The following SYT1 variants were observed in gnomAD, a reference collection of about 807,000 sequenced individuals.
SYT1 encodes synaptotagmin-1.
In SYT1, 8 loss-of-function variants were observed where a neutral mutation model predicts 44.8. The ratio of observed to expected loss-of-function variants is 0.18; its 90% CI spans 0.10 to 0.32. The LOEUF is 0.32. SYT1 is among the 10% of genes least tolerant of loss of function. The pLI, the probability that SYT1 is intolerant of heterozygous loss-of-function variation, is 1.00. For missense variants in SYT1, 286 were observed against 509.3 expected, an observed-to-expected ratio of 0.56 and a Z score of 4.22; for synonymous variants, 154 against 188.8, an observed-to-expected ratio of 0.82 and a Z score of 1.51.
chr12:79,184,894 A>G, intron 3 of SYT1, among the ~76,000 whole-genome samples: 1 of 152,048 alleles, frequency 6.6e-6, no homozygotes, highest in South Asian at 2.1e-4. Context: ...GAAAGGGAAT[A>G]TTTCTCTTTA....
intron 8 of SYT1, among the ~76,000 whole-genome samples, chr12:79,349,060 G>GAAAGAAAGAAAGAAAAAGAAAGAAAGAAA (rs1565920027): frequency 7.8e-6 from 1 of 128,746 alleles, no homozygotes; most frequent in African/African-American, 3.2e-5. Context: ...AAAGAAAGGA[G>GAAAGAAAGAAAGAAAAAGAAAGAAAGAAA]GGAGGGAGGG....
intron 9 of SYT1, among the ~76,000 whole-genome samples, chr12:79,385,040 G>T (rs986245939): frequency 3.5e-5 from 5 of 143,706 alleles, no homozygotes; most frequent in African/African-American, 1.3e-4. Flanking sequence ...AGGCTGGAGT[G>T]CAATGGCATG....
rs369328886 is a variant in SYT1 at position 79,353,460 on chromosome 12, G to A, written c.811-42G>A. Reference sequence around the variant, plus strand: ...ATATATGTTAAAACTCTATTTACTTGTATTTGAAAAATTGCTAATACTTTC... The same window carrying A: ...ATATATGTTAAAACTCTATTTACTTATATTTGAAAAATTGCTAATACTTTC... On this transcript the variant is annotated intron_variant, in intron 8 of 10. Transcript: ENST00000261205. 6.1e-5 allele frequency: 84 copies of A among 1,381,474 alleles called. 1 individual carries two copies. In the South Asian group the frequency reaches 8.9e-4, roughly 15 times the overall value. 85.6% of individuals were successfully genotyped at this position (1,381,474 alleles called of 1,614,324 possible). A position where few individuals can be genotyped will look rare whatever the true frequency, so the allele number is the denominator to read the frequency against.
At chr12:79,151,488 A>G (rs1041274938) in intron 3 of SYT1, among the ~76,000 whole-genome samples, 1 of 152,212 alleles carries the variant, frequency 6.6e-6, no homozygotes, top group African/African-American at 2.4e-5. Flanking sequence ...AAGCTAATAC[A>G]TTTGAAATTG....
At position 78,923,703 on chromosome 12, in the gene SYT1, C is replaced by T. The variant is rs563880409; in HGVS notation, c.-216-54096C>T. Among the ~76,000 whole-genome samples, 226 of 146,136 alleles carry T rather than the reference C, an allele frequency of 1.5e-3. 1 individual carries two copies. The highest frequency in any genetic ancestry group is 5.4e-3 in the African/African-American group (218 of 40,378). ...ACCCCCCCTTTCTTTCTCTCTCTCTCTCTCTCTGTGTGTGTGTATATGTGT... is the reference window on the plus strand; with the variant it reads ...ACCCCCCCTTTCTTTCTCTCTCTCTTTCTCTCTGTGTGTGTGTATATGTGT... On this transcript the variant is annotated intron_variant, in intron 1 of 10. Transcript: ENST00000261205.
At position 79,381,207 on chromosome 12, in the gene SYT1, A is replaced by T. The variant is rs894606328; in HGVS notation, c.928+27588A>T. The stretch of plus-strand genomic sequence containing the variant: ...TTCCCTGATTCCTACTTTAAAACAC[A>T]ACCATTTCCATTTTCGAAAGATTAT... On this transcript the variant is annotated intron_variant, in intron 9 of 10. Transcript: ENST00000261205. 3.9e-5 allele frequency among the ~76,000 whole-genome samples: 6 copies of T among 152,330 alleles called. No homozygotes were observed. The South Asian group carries it at 8.3e-4, about 21-fold the overall frequency.
chr12:79,053,722 T>G (rs1485368370), intron 3 of SYT1, among the ~76,000 whole-genome samples: 1 of 151,282 alleles, frequency 6.6e-6, no homozygotes, highest in African/African-American at 2.4e-5. Flanking sequence ...TATTATTACA[T>G]AAAACTTAGA....
chr12:79,163,641 T>C (rs1043821076), intron 3 of SYT1, among the ~76,000 whole-genome samples: 6 of 152,066 alleles, frequency 3.9e-5, no homozygotes, highest in African/African-American at 7.2e-5. Context: ...ACTCTGCTCT[T>C]TCTATTGCCG....
intron 1 of SYT1, among the ~76,000 whole-genome samples, chr12:78,944,918 C>G (rs1335755181): frequency 6.6e-6 from 1 of 152,120 alleles, no homozygotes; most frequent in African/African-American, 2.4e-5. Flanking sequence ...GTTTTTCCCT[C>G]AGATGTGGGA....
chr12:78,928,416 T>C (rs1441530571), intron 1 of SYT1, among the ~76,000 whole-genome samples: 4 of 152,224 alleles, frequency 2.6e-5, no homozygotes, highest in Non-Finnish European at 5.9e-5. Flanking sequence ...CCCGATTTCA[T>C]GAATAGAAGA....
chr12:79,247,020 T>G (rs1876890833), intron 4 of SYT1, among the ~76,000 whole-genome samples: 1 of 152,132 alleles, frequency 6.6e-6, no homozygotes, highest in African/African-American at 2.4e-5. Context: ...TGCTGAGAAG[T>G]CAAAGAATAA....
chr12:79,245,188 G>A (rs1266280935), intron 4 of SYT1, among the ~76,000 whole-genome samples: 7 of 151,534 alleles, frequency 4.6e-5, no homozygotes, highest in African/African-American at 1.7e-4. Flanking sequence ...CATTATTGCC[G>A]GGCGCGGTGG....
chr12:79,354,957 C>T (rs1025412449), intron 9 of SYT1, among the ~76,000 whole-genome samples: 1 of 152,158 alleles, frequency 6.6e-6, no homozygotes, highest in African/African-American at 2.4e-5. Context: ...CCAACCATCC[C>T]CTCATAACCT....
intron 9 of SYT1, among the ~76,000 whole-genome samples, chr12:79,355,116 T>C (rs2136011384): frequency 6.6e-6 from 1 of 152,348 alleles, no homozygotes; most frequent in Non-Finnish European, 1.5e-5. Context: ...GTTTGCTGTC[T>C]GTTTCCACTA....
chr12:79,079,879 G>T (rs11838060), intron 3 of SYT1, among the ~76,000 whole-genome samples: 23,904 of 151,918 alleles, frequency 0.16, 2,083 homozygotes, highest in African/African-American at 0.22. Context: ...TCTGTCCTTT[G>T]TGCTGACTCA....
In SYT1 at chr12:79,305,236, A is replaced by G. The variant is rs140873213; in HGVS notation, c.810+5685A>G. Among the ~76,000 whole-genome samples, 26 of 152,300 alleles carry G rather than the reference A, an allele frequency of 1.7e-4. 1 individual carries two copies. The East Asian group carries it at 5.0e-3, about 29-fold the overall frequency. ...AAAAATCCAATATTTTTTATTTTAA[A>G]TTCCCTAGAAAAGTAATATAAATTA... is the stretch of plus-strand genomic sequence containing the variant. On this transcript the variant is annotated intron_variant, in intron 8 of 10. Transcript: ENST00000261205.
At chr12:79,037,023 G>A (rs570999994) in intron 2 of SYT1, among the ~76,000 whole-genome samples, 1 of 151,856 alleles carries the variant, frequency 6.6e-6, no homozygotes, top group Non-Finnish European at 1.5e-5. Flanking sequence ...TTTTACTTTT[G>A]TCATTATGTA....
At chr12:79,028,721 T>C (rs1872668945) in intron 2 of SYT1, among the ~76,000 whole-genome samples, 1 of 151,390 alleles carries the variant, frequency 6.6e-6, no homozygotes, top group Admixed American at 6.6e-5. Context: ...CCTGTTTTTC[T>C]GGATGTGGTA....
At chr12:79,201,298 A>G (rs899375413) in intron 3 of SYT1, among the ~76,000 whole-genome samples, 2 of 152,202 alleles carry the variant, frequency 1.3e-5, no homozygotes, top group Non-Finnish European at 2.9e-5. Context: ...TGAATAATTT[A>G]TTTGGCAGCA....
Sources: gnomAD v4.1 joint callset for allele counts (sites outside exome capture counted in the v4.1 genomes callset) on GRCh38, gnomAD v4.1.1 for gene constraint, MANE v1.5 for transcripts, NCBI Gene and HGNC (gene_info 2026-07-23, HGNC 2026-07-21) for gene names.